Variants in SETD2 observed in about 807,000 individuals in gnomAD.
SETD2 encodes the protein histone-lysine N-methyltransferase SETD2.
In SETD2, 31 loss-of-function variants were observed where a neutral mutation model predicts 242.1. The ratio of observed to expected loss-of-function variants is 0.13; its 90% CI spans 0.10 to 0.17. The LOEUF is 0.17. Ranked by LOEUF, SETD2 falls within the 10% of genes least tolerant of loss-of-function variation. SETD2 has a pLI of 1.00. For missense variants in SETD2, 2,481 were observed against 3,046.3 expected (o/e 0.81, Z 4.37); for synonymous variants, 1,006 against 1,066.5 (o/e 0.94, Z 1.11).
chr3:47,123,878 T>A lies in SETD2; in HGVS notation c.758A>T (p.Asp253Val), dbSNP rs2106714465. The A allele has an allele frequency of 1.3e-6, 2 of 1,551,972 alleles. No homozygotes were observed. Among genetic ancestry groups the A allele is most frequent in the Non-Finnish European group, 1.7e-6 (2 of 1,146,830 alleles). Residue 253 changes from aspartate (D) to valine (V), a missense_variant, in exon 3 of 21, where the codon GAT becomes GTT. Physicochemically the swap from Asp to Val is radical, Grantham distance 152 (BLOSUM62 -3). Around this residue, in one of 17 missense-constraint regions of SETD2, gnomAD observed 334 missense variants for 374.5 expected, o/e 0.89. Coordinates refer to ENST00000409792, the MANE Select transcript of SETD2 (RefSeq NM_014159.7). Reference sequence around the variant, plus strand: ...ATTAGATATAGTGTCCTGCTTAGTATCTGCTTCTAAAGATTCTGGTACAAT... The same window carrying A: ...ATTAGATATAGTGTCCTGCTTAGTAACTGCTTCTAAAGATTCTGGTACAAT... ...IIIVPESLEA[D>V]TKQDTISNSL... is the part of the protein sequence containing the mutation.
intron 3 of SETD2, among the ~76,000 whole-genome samples, chr3:47,117,281 CAAACA>C (rs2042897607): frequency 1.9e-5 from 1 of 53,600 alleles, no homozygotes; most frequent in Admixed American, 2.0e-4. Context: ...AAAAAAAAAA[CAAACA>C]AAAAAAAAAA....
chr3:47,058,460 AAAAAC>A (rs1238043484), intron 14 of SETD2, among the ~76,000 whole-genome samples: 4 of 147,714 alleles, frequency 2.7e-5, no homozygotes, highest in African/African-American at 1.0e-4. Context: ...AAAAAAAAAA[AAAAAC>A]ACAAAGAGGG....
Position 47,017,197 on chromosome 3 carries a change from C to G in SETD2, c.7591G>C (p.Glu2531Gln). The G allele has an allele frequency of 6.2e-7, 1 of 1,614,110 alleles. No individual in the cohort carries two copies. Among genetic ancestry groups the G allele is most frequent in the Non-Finnish European group, 8.5e-7 (1 of 1,180,010 alleles). Residue 2531 changes from glutamate to glutamine, a missense_variant, in exon 21 of 21, where the codon GAG (glutamate) becomes CAG (glutamine). Glu to Gln is a conservative substitution (Grantham distance 29). Transcript: ENST00000409792. The surrounding 1 kb of genome is among the most constrained non-coding windows in gnomAD (Gnocchi z 4.8). ...LKYCKNPEDL[E>Q]CNENVKHKTK... ...TTGTGTTTCACATTCTCATTGCACT[C>G]CAGGTCCTCAGGATTCTTACAGTAC...
Position 47,106,024 on chromosome 3 carries a change from G to A in SETD2, c.4812C>T (p.Tyr1604=), listed in dbSNP as rs1288300837. The change falls in exon 6 of 21, where the codon TAC becomes TAT. Residue 1604 remains tyrosine, a synonymous_variant. Coordinates refer to ENST00000409792, the MANE Select transcript of SETD2 (RefSeq NM_014159.7). ...KEYARNKNIH[Y]YFMALKNDEI... ...CATCATTCTTCAGGGCCATGAAATAGTAATGGATGTTTTTGTTTCGTGCAT... is the reference window on the plus strand; with the variant it reads ...CATCATTCTTCAGGGCCATGAAATAATAATGGATGTTTTTGTTTCGTGCAT... 1 of 1,613,452 alleles carries A rather than the reference G, an allele frequency of 6.2e-7. No individual in the cohort carries two copies. The highest frequency in any genetic ancestry group is 8.5e-7 in the Non-Finnish European group (1 of 1,179,726).
chr3:47,135,177 T>TA, intron 1 of SETD2, among the ~76,000 whole-genome samples: 1 of 152,344 alleles, frequency 6.6e-6, no homozygotes, highest in East Asian at 1.9e-4. Flanking sequence ...GAAAAGCCAG[T>TA]AAGGTGCTTT....
In SETD2 at chr3:47,123,324, A is replaced by C; in HGVS notation, c.1312T>G (p.Ser438Ala). The change falls in exon 3 of 21, where the codon TCC becomes GCC. Residue 438 changes from serine to alanine, a missense_variant. By Grantham distance (99) the Ser-to-Ala change is moderately conservative. Around this residue, in one of 17 missense-constraint regions of SETD2, gnomAD observed 1,300 missense variants for 1,259.2 expected, o/e 1.03. Transcript: ENST00000409792. ...YDSDRRYHRS[S>A]PYRERTRYSR... ...TAGCGCGTCCTCTCTCGATAAGGGG[A>C]GCTCCTATGGTAGCGACGATCAGAG... 6.4e-7 allele frequency: 1 copy of C among 1,551,668 alleles called. No individual in the cohort carries two copies. Among genetic ancestry groups the C allele is most frequent in the South Asian group, 1.2e-5 (1 of 84,078 alleles).
At chr3:47,070,066 CT>C (rs1244975449) in intron 12 of SETD2, among the ~76,000 whole-genome samples, 3 of 152,066 alleles carry the variant, frequency 2.0e-5, no homozygotes, top group African/African-American at 7.3e-5. Context: ...GACCTAGTTT[CT>C]TTTGCATAAT....
intron 12 of SETD2, among the ~76,000 whole-genome samples, chr3:47,076,049 T>C (rs890467251): frequency 1.9e-4 from 29 of 152,230 alleles, no homozygotes; most frequent in African/African-American, 7.0e-4. Context: ...AGTCTCTTCC[T>C]TCACTCAATG....
intron 19 of SETD2, among the ~76,000 whole-genome samples, chr3:47,018,047 A>C (rs1435820474): frequency 6.6e-6 from 1 of 152,142 alleles, no homozygotes; most frequent in Non-Finnish European, 1.5e-5. Context: ...CAGTCAATGA[A>C]TTTTGTGTCC....
In SETD2 at chr3:47,079,107, G is replaced by A. The variant is rs142740299; in HGVS notation, c.6060+4613C>T. ...TTTTCACTGAATTTTCTCTAGACTC[G>A]TCACTAGAATGTGTGTAACATGTAG... On this transcript the variant is annotated intron_variant, in intron 12 of 20. Transcript: ENST00000409792. Among the ~76,000 whole-genome samples, 550 of 152,234 alleles carry A rather than the reference G, an allele frequency of 3.6e-3. 4 individuals are homozygous for A. Among genetic ancestry groups the A allele is most frequent in the African/African-American group, 0.013 (521 of 41,518 alleles).
chr3:47,137,745 A>G (rs1489572587), intron 1 of SETD2, among the ~76,000 whole-genome samples: 45 of 145,506 alleles, frequency 3.1e-4, no homozygotes, highest in Middle Eastern at 4.0e-3. Context: ...GGAGTGCAAT[A>G]GTGCGATCTT....
At position 47,123,863 on chromosome 3, in the gene SETD2, G is replaced by A. The variant is rs1378977369; in HGVS notation, c.773C>T (p.Thr258Ile). 1.3e-6 allele frequency: 2 copies of A among 1,551,050 alleles called. No individual in the cohort carries two copies. The highest frequency in any genetic ancestry group is 1.7e-6 in the Non-Finnish European group (2 of 1,146,282). ...GTGTTCTTCTAAACTATTAGATATA[G>A]TGTCCTGCTTAGTATCTGCTTCTAA... Reference protein sequence around the residue: ...ESLEADTKQDTISNSLEEHVT... With the variant: ...ESLEADTKQDIISNSLEEHVT... The change falls in exon 3 of 21, where the codon ACT becomes ATT. Residue 258 changes from threonine (T) to isoleucine (I), a missense_variant. This residue lies in a region of SETD2 where 334 missense variants were observed against 374.5 expected (regional missense o/e 0.89). Coordinates refer to ENST00000409792, the MANE Select transcript of SETD2 (RefSeq NM_014159.7).
At chr3:47,054,088 A>G (rs1366249173) in intron 15 of SETD2, among the ~76,000 whole-genome samples, 4 of 152,192 alleles carry the variant, frequency 2.6e-5, no homozygotes, top group Non-Finnish European at 5.9e-5. Context: ...AAAGCCCAGT[A>G]TCATCTGATC....
chr3:47,055,885 C>T (rs867813619), intron 15 of SETD2, among the ~76,000 whole-genome samples: 12 of 150,446 alleles, frequency 8.0e-5, no homozygotes, highest in Middle Eastern at 3.4e-3. Context: ...TGGTGGTGGG[C>T]GCCTGTAGTC....
chr3:47,079,626 A>G (rs1470192417), intron 12 of SETD2, among the ~76,000 whole-genome samples: 6 of 152,226 alleles, frequency 3.9e-5, no homozygotes, highest in African/African-American at 9.6e-5. Context: ...AAAGGACAAG[A>G]TAGTAAATAT....
rs2106666377 is a variant in SETD2, at chr3:47,122,001, T to C, written c.2635A>G (p.Ile879Val). Residue 879 changes from isoleucine to valine, a missense_variant, in exon 3 of 21, where the codon ATT becomes GTT. Transcript: ENST00000409792. The stretch of plus-strand genomic sequence containing the variant: ...GGAAGACTCTGAAGAGATGAAGCAA[T>C]ACCTGAACTCCCAATAGGTTGATAT... ...DLYQPIGSSG[I>V]ASSLQSLPPG... is the part of the protein sequence containing the mutation. 2 of 1,613,940 alleles carry C rather than the reference T, an allele frequency of 1.2e-6. No homozygotes were observed. Among genetic ancestry groups the C allele is most frequent in the Non-Finnish European group, 1.7e-6 (2 of 1,179,956 alleles).
chr3:47,044,529 T>C (rs1355466706), intron 16 of SETD2, among the ~76,000 whole-genome samples: 1 of 152,158 alleles, frequency 6.6e-6, no homozygotes, highest in African/African-American at 2.4e-5. Context: ...AATTGCTGGA[T>C]TGCTGCAAGA....
chr3:47,088,368 G>C, intron 9 of SETD2, 121 bp from the exon 10 acceptor site: 2 of 902,830 alleles, frequency 2.2e-6, no homozygotes, highest in South Asian at 3.4e-5. Flanking sequence ...GACCAAACTG[G>C]GAAAGTACTA....
intron 1 of SETD2, among the ~76,000 whole-genome samples, chr3:47,152,529 A>G (rs1266494292): frequency 6.6e-6 from 1 of 152,246 alleles, no homozygotes; most frequent in African/African-American, 2.4e-5. Context: ...CTCATAAAAA[A>G]TTTAAACTTT....
Sources: allele counts gnomAD v4.1 joint callset (sites outside exome capture counted in the v4.1 genomes callset), GRCh38; gene constraint gnomAD v4.1.1; regional missense constraint gnomAD v4.1.1; non-coding constraint Gnocchi (gnomAD v3.1); transcripts MANE v1.5; gene names NCBI Gene and HGNC (gene_info 2026-07-23, HGNC 2026-07-21).